Variants in SLC18A1 observed in about 807,000 individuals in gnomAD.
SLC18A1 encodes solute carrier family 18 member A1, also known as chromaffin granule amine transporter.
Under a neutral mutation model 53.7 loss-of-function variants are expected in SLC18A1, and 69 were observed. The observed-to-expected ratio is 1.28, with a 90% confidence interval of 1.06 to 1.57. The LOEUF (loss-of-function observed/expected upper bound fraction) is 1.57, where lower values mean the gene tolerates loss of function less well. SLC18A1 is among the 40% of genes most tolerant of loss of function. The pLI is 0.00. For synonymous variants in SLC18A1, 320 were observed against 248.1 expected, an observed-to-expected ratio of 1.29 and a Z score of -2.72; for missense variants, 932 against 668.1, an observed-to-expected ratio of 1.40 and a Z score of -4.35.
At chr8:20,181,325 C>T (rs1423978262) in intron 1 of SLC18A1, among the ~76,000 whole-genome samples, 1 of 152,122 alleles carries the variant, frequency 6.6e-6, no homozygotes, top group East Asian at 1.9e-4. Context: ...CTCTACAGAT[C>T]ACTTAACCCT....
intron 12 of SLC18A1, 85 bp downstream of exon 12, chr8:20,149,589 CCT>C (rs60330468): frequency 0.31 from 229,344 of 738,534 alleles, 7,773 homozygotes; most frequent in South Asian, 0.33. Flanking sequence ...TCTCTCTCTC[CCT>C]CTCTCTCTCT....
chr8:20,155,034 C>T (rs568846321), intron 10 of SLC18A1, among the ~76,000 whole-genome samples: 3 of 152,264 alleles, frequency 2.0e-5, no homozygotes, highest in African/African-American at 7.2e-5. Context: ...CACTGCATTC[C>T]ACGGTTCTCT....
At chr8:20,174,142 G>C (rs554398603) in intron 5 of SLC18A1, among the ~76,000 whole-genome samples, 9 of 152,162 alleles carry the variant, frequency 5.9e-5, no homozygotes, top group African/African-American at 2.2e-4. Flanking sequence ...CAGACTCCTA[G>C]AATCAAGCTA....
chr8:20,156,568 G>A (rs1000736198), intron 10 of SLC18A1, among the ~76,000 whole-genome samples: 37 of 152,280 alleles, frequency 2.4e-4, no homozygotes, highest in African/African-American at 7.9e-4. Context: ...TAATTGGTCT[G>A]CTCAAAGGTG....
intron 6 of SLC18A1, among the ~76,000 whole-genome samples, chr8:20,171,796 G>C (rs2072127796): frequency 6.6e-6 from 1 of 152,140 alleles, no homozygotes; most frequent in Non-Finnish European, 1.5e-5. Flanking sequence ...AATGTTGCAT[G>C]CAATGAAAGC....
chr8:20,165,071 C>G lies in SLC18A1; in HGVS notation c.895G>C (p.Asp299His). Residue 299 changes from aspartate (D) to histidine (H), a missense_variant, in exon 9 of 16, where the codon GAC becomes CAC. Asp to His is a moderately conservative substitution (Grantham distance 81). Transcript: ENST00000276373. ...CCTGCAGCCACCAGGATGTAAGGGT[C>G]TTTGAGAAGCATAAAGAGGGGAGTC... ...KGTPLFMLLK[D>H]PYILVAAGSI... The G allele has an allele frequency of 6.2e-7, 1 of 1,614,144 alleles. No homozygotes were observed. Among genetic ancestry groups the G allele is most frequent in the South Asian group, 1.1e-5 (1 of 91,078 alleles).
intron 8 of SLC18A1, among the ~76,000 whole-genome samples, chr8:20,170,830 C>G (rs562795791): frequency 9.5e-6 from 1 of 104,736 alleles, no homozygotes; most frequent in East Asian, 2.3e-4. Flanking sequence ...ATATATGTGT[C>G]GAATATATAG....
chr8:20,161,220 G>T (rs2071822236), intron 10 of SLC18A1, among the ~76,000 whole-genome samples: 1 of 152,128 alleles, frequency 6.6e-6, no homozygotes, highest in Non-Finnish European at 1.5e-5. Flanking sequence ...GAGATTCAAG[G>T]TACGATTAAT....
At chr8:20,149,601 T>C (rs71510684) in intron 12 of SLC18A1, 75 bp downstream of exon 12, 93,995 of 1,169,606 alleles carry the variant, frequency 0.08, 3,265 homozygotes, top group Non-Finnish European at 0.096. Flanking sequence ...TCTCTCTCTC[T>C]CTCTCTCTCT....
chr8:20,171,276 A>T, intron 7 of SLC18A1, 129 bp downstream of exon 7: 2 of 1,313,172 alleles, frequency 1.5e-6, no homozygotes, highest in East Asian at 4.6e-5. Flanking sequence ...CTTTTCTACA[A>T]CGGGGCAGTC....
At chr8:20,147,936 G>A (rs1250506955) in intron 13 of SLC18A1, 71 bp downstream of exon 13, 2 of 1,537,336 alleles carry the variant, frequency 1.3e-6, no homozygotes, top group East Asian at 2.3e-5. Context: ...GATGAGAAAA[G>A]GGGGAGGAAA....
intron 6 of SLC18A1, 83 bp downstream of exon 6, chr8:20,172,953 A>C: frequency 3.1e-6 from 3 of 967,110 alleles, no homozygotes; most frequent in Non-Finnish European, 4.8e-6. Flanking sequence ...GGGAAGGAAA[A>C]TACTCGTCTT....
intron 12 of SLC18A1, among the ~76,000 whole-genome samples, chr8:20,149,394 G>T (rs539300977): frequency 6.6e-6 from 1 of 152,022 alleles, no homozygotes; most frequent in African/African-American, 2.4e-5. Context: ...TCCGGCTCCA[G>T]CTGCCCTACA....
chr8:20,180,691 C>CT, intron 2 of SLC18A1, 150 bp downstream of exon 2: 1 of 957,304 alleles, frequency 1.0e-6, no homozygotes, highest in Non-Finnish European at 1.5e-6. Flanking sequence ...TTCTGCAGGG[C>CT]TTTTTTCCAG....
In SLC18A1 at chr8:20,173,047, A is replaced by G; in HGVS notation, c.713T>C (p.Leu238Ser). Reference protein sequence around the residue: ...AMGTALGGLALGLLVGAPFGS... With the variant: ...AMGTALGGLASGLLVGAPFGS... Reference sequence around the variant, plus strand: ...CTGGTGCCACTTACCCAGCAACCCCAAGGCCAGGCCCCCCAGAGCAGTTCC... The same window carrying G: ...CTGGTGCCACTTACCCAGCAACCCCGAGGCCAGGCCCCCCAGAGCAGTTCC... The change falls in exon 6 of 16, where the codon TTG (leucine) becomes TCG (serine). Residue 238 changes from leucine to serine, a missense_variant. Coordinates refer to ENST00000276373, the MANE Select transcript of SLC18A1 (RefSeq NM_003053.4). 6.3e-7 allele frequency: 1 copy of G among 1,586,286 alleles called. No homozygotes were observed. The highest frequency in any genetic ancestry group is 8.6e-7 in the Non-Finnish European group (1 of 1,166,710).
At chr8:20,147,545 C>G in intron 14 of SLC18A1, 58 bp downstream of exon 14, 1 of 1,606,498 alleles carries the variant, frequency 6.2e-7, no homozygotes. Context: ...CCTGGCTGCA[C>G]TTCCAGCTGG....
intron 10 of SLC18A1, among the ~76,000 whole-genome samples, chr8:20,162,932 A>C (rs748927198): frequency 1.3e-5 from 2 of 152,208 alleles, no homozygotes; most frequent in African/African-American, 2.4e-5. Context: ...AGCTGCTTCC[A>C]TATTTTCAAG....
chr8:20,173,571 G>A (rs1309706542), intron 5 of SLC18A1, among the ~76,000 whole-genome samples: 3 of 152,170 alleles, frequency 2.0e-5, no homozygotes, highest in Admixed American at 1.3e-4. Flanking sequence ...AGTGCTGTAC[G>A]GCAGCTGGAC....
intron 2 of SLC18A1, among the ~76,000 whole-genome samples, chr8:20,180,347 A>T (rs2072392727): frequency 6.6e-6 from 1 of 152,216 alleles, no homozygotes; most frequent in Non-Finnish European, 1.5e-5. Context: ...GGTGTAACTT[A>T]ATGTAATGAT....
Sources: gnomAD v4.1 joint callset for allele counts (sites outside exome capture counted in the v4.1 genomes callset) on GRCh38, gnomAD v4.1.1 for gene constraint, MANE v1.5 for transcripts, NCBI Gene and HGNC (gene_info 2026-07-23, HGNC 2026-07-21) for gene names.